Variants in TMEM260 observed in about 807,000 individuals in gnomAD.
TMEM260 encodes the protein protein O-mannosyl-transferase TMEM260.
TMEM260 carries 82 observed loss-of-function variants against 88.9 expected under a neutral mutation model. The observed-to-expected ratio is 0.92, with a 90% CI of 0.77 to 1.11. The LOEUF (loss-of-function observed/expected upper bound fraction) is 1.11, where lower values mean the gene tolerates loss of function less well. TMEM260 is among the 50% of genes least tolerant of loss of function. The pLI, the probability that TMEM260 is intolerant of heterozygous loss-of-function variation, is 0.00. For synonymous variants in TMEM260, 314 were observed against 309.3 expected (o/e 1.02, Z -0.16); for missense variants, 902 against 853.4 (o/e 1.06, Z -0.71).
At chr14:56,584,222 A>G (rs572679338) in intron 1 of TMEM260, among the ~76,000 whole-genome samples, 1 of 152,142 alleles carries the variant, frequency 6.6e-6, no homozygotes, top group Non-Finnish European at 1.5e-5. Context: ...ACAGTAGTAC[A>G]TTTCCTAATA....
chr14:56,606,866 G>A (rs1414244244), intron 5 of TMEM260, among the ~76,000 whole-genome samples: 1 of 152,222 alleles, frequency 6.6e-6, no homozygotes, highest in Non-Finnish European at 1.5e-5. Context: ...CTGCGCTCCA[G>A]CCTGGGTGAC....
chr14:56,634,350 C>T (rs532220997), intron 13 of TMEM260, among the ~76,000 whole-genome samples: 1 of 152,286 alleles, frequency 6.6e-6, no homozygotes, highest in South Asian at 2.1e-4. Context: ...CAATGTCTTC[C>T]TGTTAATCTT....
chr14:56,656,886 C>T, the TMEM260 span, among the ~76,000 whole-genome samples: 26 of 152,226 alleles, frequency 1.7e-4, no homozygotes, highest in African/African-American at 6.0e-4. Flanking sequence ...TCTGTGCACA[C>T]GCATGCACAC....
At chr14:56,589,544 CATT>C (rs1436060368) in intron 3 of TMEM260, among the ~76,000 whole-genome samples, 2 of 152,048 alleles carry the variant, frequency 1.3e-5, no homozygotes, top group Non-Finnish European at 2.9e-5. Flanking sequence ...TTCCTAACAT[CATT>C]AATATTGTGC....
At chr14:56,652,267 G>A (rs552401226), downstream of TMEM260, among the ~76,000 whole-genome samples, 13 of 152,082 alleles carry the variant, frequency 8.5e-5, no homozygotes, top group East Asian at 1.9e-4. Context: ...AGGCTGAGGC[G>A]GGTGGACCGC....
At chr14:56,650,135 G>C (rs1890175349), downstream of TMEM260, 1 of 454,230 alleles carries the variant, frequency 2.2e-6, no homozygotes, top group African/African-American at 2.0e-5. Flanking sequence ...ACATTGAGGA[G>C]ACTGTAATGG....
rs1884997666 is a variant in TMEM260, at chr14:56,579,983, C to G, written c.69C>G (p.Ser23=). 8.0e-7 allele frequency: 1 copy of G among 1,244,582 alleles called. No individual in the cohort carries two copies. The highest frequency in any genetic ancestry group is 1.0e-6 in the Non-Finnish European group (1 of 989,066). 77.1% of individuals were successfully genotyped at this position (1,244,582 alleles called of 1,614,324 possible). A position where few individuals can be genotyped will look rare whatever the true frequency, so the allele number is the denominator to read the frequency against. Residue 23 remains serine (S), a synonymous_variant, in exon 1 of 16, where the codon TCC becomes TCG. Transcript: ENST00000261556. The part of the protein sequence containing the change: ...GRAVRVGLRR[S]GGIRGGVAVF... The stretch of plus-strand genomic sequence containing the variant: ...CAGTCCGAGTGGGGCTGCGGCGCTC[C>G]GGGGGCATCCGCGGCGGCGTGGCGG...
rs192143888 is a variant in TMEM260, at chr14:56,648,710, G to A, written c.*1213G>A. ...CTTGCATGGTTCCCTTTCATACTAC[G>A]ACCATAATTAAAACCACTAATTCTC... is the stretch of plus-strand genomic sequence containing the variant. On this transcript the variant is annotated 3_prime_UTR_variant, in exon 16 of 16. Transcript: ENST00000261556. 4 of 152,712 alleles carry A rather than the reference G, an allele frequency of 2.6e-5. No homozygotes were observed. The East Asian group carries it at 5.8e-4, about 22-fold the overall frequency. 9.5% of individuals were successfully genotyped at this position (152,712 alleles called of 1,614,324 possible). A position where few individuals can be genotyped will look rare whatever the true frequency, so the allele number is the denominator to read the frequency against.
intron 6 of TMEM260, among the ~76,000 whole-genome samples, chr14:56,610,053 T>C (rs771558263): frequency 2.0e-5 from 3 of 152,242 alleles, no homozygotes; most frequent in Non-Finnish European, 4.4e-5. Context: ...AACAATCTAT[T>C]GTTCAAGGGT....
intron 12 of TMEM260, among the ~76,000 whole-genome samples, chr14:56,629,506 A>T (rs891042249): frequency 6.6e-6 from 1 of 152,174 alleles, no homozygotes; most frequent in Non-Finnish European, 1.5e-5. Context: ...AATATTTATC[A>T]GATACTTACC....
chr14:56,597,600 G>A (rs570396476), intron 3 of TMEM260, among the ~76,000 whole-genome samples: 1 of 152,270 alleles, frequency 6.6e-6, no homozygotes, highest in South Asian at 2.1e-4. Flanking sequence ...GTCATTAAAG[G>A]GTTGGAGTCA....
chr14:56,587,035 G>C lies in TMEM260; in HGVS notation c.344+1123G>C, dbSNP rs116390593. On this transcript the variant is annotated intron_variant, in intron 3 of 15. Coordinates refer to ENST00000261556, the MANE Select transcript of TMEM260 (RefSeq NM_017799.4). Reference sequence around the variant, plus strand: ...ATTAATATTTTTCTTTTTCTCAATGGTTAGGATAATTTTTATTAGAATTGT... The same window carrying C: ...ATTAATATTTTTCTTTTTCTCAATGCTTAGGATAATTTTTATTAGAATTGT... Among the ~76,000 whole-genome samples the C allele has an allele frequency of 4.4e-3, 673 of 151,616 alleles. 2 individuals carry two copies. Among genetic ancestry groups the C allele is most frequent in the African/African-American group, 0.015 (642 of 41,486 alleles).
At chr14:56,652,705 A>C (rs1057320584), downstream of TMEM260, among the ~76,000 whole-genome samples, 1 of 152,214 alleles carries the variant, frequency 6.6e-6, no homozygotes, top group African/African-American at 2.4e-5. Context: ...GCTTAAAACA[A>C]GCAACTTCAC....
intron 3 of TMEM260, among the ~76,000 whole-genome samples, chr14:56,587,741 T>C (rs17775594): frequency 0.058 from 8,862 of 152,134 alleles, 359 homozygotes; most frequent in Non-Finnish European, 0.089. Context: ...ACTTCATTAT[T>C]TTGAATACAA....
intron 14 of TMEM260, 46 bp downstream of exon 14, chr14:56,634,998 C>T (rs1888928095): frequency 1.9e-6 from 3 of 1,547,404 alleles, no homozygotes; most frequent in African/African-American, 2.7e-5. Context: ...TTTAATATGG[C>T]AGGGAAGTAG....
rs1407177950 is a variant in TMEM260 at position 56,636,602 on chromosome 14, T to C, written c.1869+4T>C. 8.7e-6 allele frequency: 14 copies of C among 1,612,590 alleles called. No individual in the cohort carries two copies. The highest frequency in any genetic ancestry group is 1.2e-5 in the Non-Finnish European group (14 of 1,178,738). On this transcript the variant is annotated splice_donor_region_variant and intron_variant, in intron 15 of 15. Coordinates refer to ENST00000261556, the MANE Select transcript of TMEM260 (RefSeq NM_017799.4). The stretch of plus-strand genomic sequence containing the variant: ...ACTCTACGCTCAAGCATATGACGTA[T>C]GTTACACTTTTATATGTAGATATAG...
intron 1 of TMEM260, among the ~76,000 whole-genome samples, chr14:56,581,119 T>G (rs1885102741): frequency 6.6e-6 from 1 of 152,196 alleles, no homozygotes; most frequent in South Asian, 2.1e-4. Context: ...GTTAACTGAC[T>G]TCTGTCAAGA....
chr14:56,640,788 A>G (rs1441026006), intron 15 of TMEM260, among the ~76,000 whole-genome samples: 1 of 152,168 alleles, frequency 6.6e-6, no homozygotes, highest in Non-Finnish European at 1.5e-5. Context: ...TAACCAATGC[A>G]GAGAAGTCCT....
At chr14:56,610,709 C>T (rs1372610060) in intron 6 of TMEM260, among the ~76,000 whole-genome samples, 3 of 151,946 alleles carry the variant, frequency 2.0e-5, no homozygotes, top group Non-Finnish European at 2.9e-5. Context: ...TTATATTCTG[C>T]TTTAATTATT....
Sources: gnomAD v4.1 joint callset for allele counts (sites outside exome capture counted in the v4.1 genomes callset) on GRCh38, gnomAD v4.1.1 for gene constraint, MANE v1.5 for transcripts, NCBI Gene and HGNC (gene_info 2026-07-23, HGNC 2026-07-21) for gene names.